Variants in LAMA2 observed in about 807,000 individuals in gnomAD.
LAMA2 encodes the protein laminin subunit alpha 2, also known as laminin subunit alpha-2.
In LAMA2, 269 loss-of-function variants were observed where a neutral mutation model predicts 364.8. That is an observed-to-expected ratio of 0.74 (90% CI 0.67 to 0.82). The LOEUF (loss-of-function observed/expected upper bound fraction) is 0.82. Ranked by LOEUF, LAMA2 falls within the 40% of genes least tolerant of loss-of-function variation. The pLI, the probability that LAMA2 is intolerant of heterozygous loss-of-function variation, is 0.00. For synonymous variants in LAMA2, 1,379 were observed against 1,370.6 expected, an observed-to-expected ratio of 1.01 and a Z score of -0.14; for missense variants, 3,807 against 3,873.2, an observed-to-expected ratio of 0.98 and a Z score of 0.45.
At chr6:129,338,456 A>G (rs1444538770) in intron 29 of LAMA2, among the ~76,000 whole-genome samples, 1 of 152,170 alleles carries the variant, frequency 6.6e-6, no homozygotes, top group Non-Finnish European at 1.5e-5. Context: ...TAAATATGGA[A>G]TGGCTCTTTT....
intron 56 of LAMA2, among the ~76,000 whole-genome samples, chr6:129,488,007 T>C (rs1784680032): frequency 6.6e-6 from 1 of 152,196 alleles, no homozygotes; most frequent in African/African-American, 2.4e-5. Context: ...CGGAAAGGAC[T>C]TTTTAAAAGA....
intron 30 of LAMA2, among the ~76,000 whole-genome samples, chr6:129,347,231 C>T (rs934130828): frequency 2.2e-4 from 33 of 151,994 alleles, no homozygotes; most frequent in Admixed American, 1.8e-3. Context: ...ACGGTTGACA[C>T]CATGGTTTTT....
intron 34 of LAMA2, among the ~76,000 whole-genome samples, chr6:129,378,087 G>A (rs1458259369): frequency 6.6e-6 from 1 of 152,106 alleles, no homozygotes; most frequent in African/African-American, 2.4e-5. Flanking sequence ...TGTAAAGATT[G>A]CAGAATAGAG....
At chr6:129,483,325 C>T (rs956598867) in intron 55 of LAMA2, among the ~76,000 whole-genome samples, 7 of 151,676 alleles carry the variant, frequency 4.6e-5, no homozygotes, top group Non-Finnish European at 7.4e-5. Context: ...TTTGACTGCA[C>T]TGATCTTAGC....
chr6:128,913,969 C>A (rs544203558), intron 1 of LAMA2, among the ~76,000 whole-genome samples: 1 of 151,816 alleles, frequency 6.6e-6, no homozygotes, highest in Non-Finnish European at 1.5e-5. Context: ...AAGCACATGG[C>A]AAACCCAGGC....
chr6:129,038,810 C>A (rs1420416522), intron 1 of LAMA2, among the ~76,000 whole-genome samples: 1 of 152,088 alleles, frequency 6.6e-6, no homozygotes, highest in Non-Finnish European at 1.5e-5. Flanking sequence ...GACACAATGC[C>A]AATTACTCAA....
chr6:129,266,993 T>C, intron 15 of LAMA2, 113 bp from the exon 16 acceptor site: 1 of 780,384 alleles, frequency 1.3e-6, no homozygotes, highest in South Asian at 1.4e-5. Flanking sequence ...GACAAGCACA[T>C]TTGATGAGTT....
chr6:129,500,159 C>T (rs1176036192), intron 58 of LAMA2, among the ~76,000 whole-genome samples: 1 of 152,080 alleles, frequency 6.6e-6, no homozygotes, highest in African/African-American at 2.4e-5. Context: ...CAAAACACTA[C>T]CAAATTAGAG....
intron 20 of LAMA2, among the ~76,000 whole-genome samples, chr6:129,294,629 G>T (rs1301312946): frequency 6.6e-6 from 1 of 152,086 alleles, no homozygotes; most frequent in Non-Finnish European, 1.5e-5. Flanking sequence ...TATGAATTTT[G>T]GGGGACATAA....
chr6:129,135,014 G>C (rs182392597), intron 4 of LAMA2, among the ~76,000 whole-genome samples: 2 of 152,110 alleles, frequency 1.3e-5, no homozygotes, highest in African/African-American at 4.8e-5. Context: ...CCTGGGCACC[G>C]TCGGATCCCA....
At chr6:129,051,142 A>G (rs1787969782) in intron 2 of LAMA2, among the ~76,000 whole-genome samples, 1 of 150,174 alleles carries the variant, frequency 6.7e-6, no homozygotes, top group South Asian at 2.1e-4. Flanking sequence ...TATCTTTCTG[A>G]CATGCCTTCT....
chr6:129,363,038 G>C (rs1317556293), intron 32 of LAMA2, among the ~76,000 whole-genome samples: 1 of 152,182 alleles, frequency 6.6e-6, no homozygotes, highest in Non-Finnish European at 1.5e-5. Context: ...TTAAAATACA[G>C]TGGTTCACGC....
chr6:129,014,604 T>C, intron 1 of LAMA2, among the ~76,000 whole-genome samples: 1 of 152,142 alleles, frequency 6.6e-6, no homozygotes, highest in East Asian at 1.9e-4. Flanking sequence ...ATGTCCTTCA[T>C]TCTGTACACA....
In LAMA2 at chr6:128,998,488, G is replaced by A. The variant is rs527548290; in HGVS notation, c.113-51430G>A. On this transcript the variant is annotated intron_variant, in intron 1 of 64. Transcript: ENST00000421865. ...TTTCTGCATTTCCATCTGAGGTACC[G>A]GGTTCATCTCACTAGGGAGTGCCAG... 8.3e-5 allele frequency among the ~76,000 whole-genome samples: 10 copies of A among 120,296 alleles called. No individual in the cohort carries two copies. The South Asian group carries it at 2.0e-3, about 25-fold the overall frequency. The allele number at this position is 120,296 out of a possible 152,430, so 78.9% of individuals were successfully genotyped here.
At position 129,342,419 on chromosome 6, in the gene LAMA2, C is replaced by A; in HGVS notation, c.4388C>A (p.Pro1463Gln). The change falls in exon 30 of 65, where the codon CCA (proline) becomes CAA (glutamine). Residue 1463 changes from proline (P) to glutamine (Q), a missense_variant. This residue lies in a region of LAMA2 where 3,333 missense variants were observed against 3,345.7 expected (regional missense o/e 1.00). Coordinates refer to ENST00000421865, the MANE Select transcript of LAMA2 (RefSeq NM_000426.4). ...TACTATGGAATTGTCAAGGGATTGC[C>A]AAATGACTGTCAGCAATGTGCCTGC... Reference protein sequence around the residue: ...LGYYGIVKGLPNDCQQCACPL... With the variant: ...LGYYGIVKGLQNDCQQCACPL... 6.2e-7 allele frequency: 1 copy of A among 1,613,436 alleles called. No homozygotes were observed. The highest frequency in any genetic ancestry group is 1.1e-5 in the South Asian group (1 of 91,056).
intron 20 of LAMA2, among the ~76,000 whole-genome samples, chr6:129,293,872 C>G (rs1336424508): frequency 6.6e-6 from 1 of 152,120 alleles, no homozygotes; most frequent in African/African-American, 2.4e-5. Context: ...TTTTAAAAAA[C>G]AAATTTTGAT....
At chr6:129,109,876 A>G (rs1272387171) in intron 4 of LAMA2, among the ~76,000 whole-genome samples, 1 of 152,064 alleles carries the variant, frequency 6.6e-6, no homozygotes, top group Non-Finnish European at 1.5e-5. Flanking sequence ...GACATCATTG[A>G]TCCCATTGTC....
chr6:128,987,126 G>GTT (rs377549921), intron 1 of LAMA2, among the ~76,000 whole-genome samples: 102 of 121,054 alleles, frequency 8.4e-4, no homozygotes, highest in East Asian at 2.5e-3. Flanking sequence ...AGGATAGTTT[G>GTT]TTTTTTTTTT....
chr6:129,207,004 C>T (rs1782720923), intron 12 of LAMA2, among the ~76,000 whole-genome samples: 1 of 152,228 alleles, frequency 6.6e-6, no homozygotes, highest in Non-Finnish European at 1.5e-5. Context: ...ACCCATCTCT[C>T]AAACTGAAGC....
Sources: allele counts gnomAD v4.1 joint callset (sites outside exome capture counted in the v4.1 genomes callset), GRCh38; gene constraint gnomAD v4.1.1; regional missense constraint gnomAD v4.1.1; transcripts MANE v1.5; gene names NCBI Gene and HGNC (gene_info 2026-07-23, HGNC 2026-07-21).